The following PDE10A variants were observed in gnomAD, a reference collection of about 807,000 sequenced individuals.
PDE10A encodes cAMP and cAMP-inhibited cGMP 3',5'-cyclic phosphodiesterase 10A.
Under a neutral mutation model 97.7 loss-of-function variants are expected in PDE10A, and 39 were observed. The ratio of observed to expected loss-of-function variants is 0.40; its 90% CI spans 0.31 to 0.52. The LOEUF (loss-of-function observed/expected upper bound fraction) is 0.52, where lower values mean the gene tolerates loss of function less well. Among genes scored for constraint, PDE10A ranks in the 20% least tolerant of loss-of-function variants. PDE10A has a pLI of 0.56. For synonymous variants in PDE10A, 371 were observed against 376.8 expected (o/e 0.98, Z 0.18); for missense variants, 731 against 1,047.8 (o/e 0.70, Z 4.17).
intron 20 of PDE10A, among the ~76,000 whole-genome samples, chr6:165,338,224 C>G (rs1781763136): frequency 6.6e-6 from 1 of 152,198 alleles, no homozygotes; most frequent in Non-Finnish European, 1.5e-5. Flanking sequence ...TGTGCTGGTA[C>G]CCTCTGTGAG....
At chr6:165,402,929 A>G (rs1281584754) in intron 13 of PDE10A, among the ~76,000 whole-genome samples, 1 of 152,200 alleles carries the variant, frequency 6.6e-6, no homozygotes, top group Non-Finnish European at 1.5e-5. Flanking sequence ...TAATGTTCAT[A>G]GTAAACCTAG....
chr6:165,511,042 ATATT>A lies in PDE10A; in HGVS notation c.995-28703_995-28700del, dbSNP rs1389886079. 2.6e-5 allele frequency among the ~76,000 whole-genome samples: 4 copies of A among 151,642 alleles called. No individual in the cohort carries two copies. In the East Asian group the frequency reaches 7.7e-4, roughly 29 times the overall value. ...TAGTATTTCACTTAGGTCTGTGGTA[ATATT>A]TATTTCTTTTGTTCTACTACTTCTA... On this transcript the variant is annotated intron_variant, in intron 2 of 21. Coordinates refer to ENST00000539869, the MANE Select transcript of PDE10A (RefSeq NM_001385079.1).
intron 1 of PDE10A, among the ~76,000 whole-genome samples, chr6:165,973,586 T>C (rs1235289920): frequency 6.6e-6 from 1 of 150,994 alleles, no homozygotes; most frequent in Non-Finnish European, 1.5e-5. Flanking sequence ...AAAAAAAAAA[T>C]TCTGAAGAAA....
intron 1 of PDE10A, among the ~76,000 whole-genome samples, chr6:165,817,339 C>T (rs1779446636): frequency 6.6e-6 from 1 of 152,146 alleles, no homozygotes; most frequent in South Asian, 2.1e-4. Flanking sequence ...TCCCTAGCTT[C>T]TACAGCAGCC....
intron 1 of PDE10A, among the ~76,000 whole-genome samples, chr6:165,979,072 A>G (rs955679310): frequency 6.6e-6 from 1 of 152,204 alleles, no homozygotes; most frequent in African/African-American, 2.4e-5. Context: ...ACACGCACCA[A>G]GAGGACATAA....
At chr6:165,654,173 C>T (rs1789822287) in intron 1 of PDE10A, among the ~76,000 whole-genome samples, 1 of 152,184 alleles carries the variant, frequency 6.6e-6, no homozygotes, top group Admixed American at 6.5e-5. Context: ...CTCCGATCCC[C>T]CCTGTACACC....
intron 1 of PDE10A, among the ~76,000 whole-genome samples, chr6:165,811,738 C>T (rs1779288755): frequency 1.3e-5 from 2 of 152,234 alleles, no homozygotes; most frequent in Non-Finnish European, 2.9e-5. Flanking sequence ...TAAGTTTGTT[C>T]TGAGTTGAAA....
chr6:165,486,456 C>T (rs551798075), intron 2 of PDE10A, among the ~76,000 whole-genome samples: 5 of 152,248 alleles, frequency 3.3e-5, no homozygotes, highest in East Asian at 3.9e-4. Context: ...CTCCTTAGGT[C>T]GCTTCTGAAT....
At chr6:165,974,245 G>A (rs1784783207) in intron 1 of PDE10A, among the ~76,000 whole-genome samples, 1 of 152,160 alleles carries the variant, frequency 6.6e-6, no homozygotes, top group South Asian at 2.1e-4. Flanking sequence ...ATGGTCATGG[G>A]CCTTCTACAC....
intron 1 of PDE10A, among the ~76,000 whole-genome samples, chr6:165,641,087 C>G (rs990396375): frequency 6.6e-6 from 1 of 152,138 alleles, no homozygotes; most frequent in African/African-American, 2.4e-5. Context: ...CTTCACCTGA[C>G]CACAGAAGAG....
chr6:165,866,507 A>G (rs933485211), intron 1 of PDE10A, among the ~76,000 whole-genome samples: 1 of 151,874 alleles, frequency 6.6e-6, no homozygotes, highest in Non-Finnish European at 1.5e-5. Context: ...TTAACTTATG[A>G]ACCAATTTTC....
intron 1 of PDE10A, among the ~76,000 whole-genome samples, chr6:165,617,409 A>T (rs952423623): frequency 6.6e-6 from 1 of 152,136 alleles, no homozygotes; most frequent in Non-Finnish European, 1.5e-5. Context: ...CAGTGGCGGG[A>T]TCTCGGCTCA....
intron 1 of PDE10A, among the ~76,000 whole-genome samples, chr6:165,728,838 C>G (rs1792358008): frequency 6.6e-6 from 1 of 152,172 alleles, no homozygotes; most frequent in Admixed American, 6.5e-5. Flanking sequence ...GAGATGACCT[C>G]TGACTTCTCA....
intron 1 of PDE10A, among the ~76,000 whole-genome samples, chr6:165,754,864 C>T (rs998486440): frequency 1.3e-5 from 2 of 152,198 alleles, no homozygotes; most frequent in African/African-American, 4.8e-5. Flanking sequence ...AGATGTTTCA[C>T]TTCCATCTGA....
At chr6:165,716,977 TATTA>T (rs1325823169) in intron 1 of PDE10A, among the ~76,000 whole-genome samples, 2 of 152,226 alleles carry the variant, frequency 1.3e-5, no homozygotes, top group African/African-American at 2.4e-5. Flanking sequence ...ACTGTGTCCC[TATTA>T]AACACTAATT....
rs144527911 is a variant in PDE10A, at chr6:165,397,311, G to A, written c.2077-852C>T. Among the ~76,000 whole-genome samples the A allele has an allele frequency of 2.0e-3, 309 of 152,274 alleles. 2 individuals carry two copies. Among genetic ancestry groups the A allele is most frequent in the African/African-American group, 7.0e-3 (292 of 41,562 alleles). Reference sequence around the variant, plus strand: ...TCTAAAGTAAATTAATACTGAAAACGTGGTGACAAGCTAGAGTAGCTTTTG... The same window carrying A: ...TCTAAAGTAAATTAATACTGAAAACATGGTGACAAGCTAGAGTAGCTTTTG... On this transcript the variant is annotated intron_variant, in intron 13 of 21. Transcript: ENST00000539869.
intron 1 of PDE10A, among the ~76,000 whole-genome samples, chr6:165,900,810 A>G (rs778962633): frequency 1.9e-4 from 29 of 152,330 alleles, no homozygotes; most frequent in Middle Eastern, 3.4e-3. Context: ...TATCTATCCA[A>G]CATACTCTCA....
chr6:165,676,760 C>T (rs1240756693), intron 1 of PDE10A, among the ~76,000 whole-genome samples: 5 of 152,130 alleles, frequency 3.3e-5, no homozygotes, highest in Admixed American at 1.3e-4. Flanking sequence ...TAAAGCTCAC[C>T]CACATTTCAC....
intron 1 of PDE10A, among the ~76,000 whole-genome samples, chr6:165,922,269 G>A (rs1180351237): frequency 1.3e-5 from 2 of 152,144 alleles, no homozygotes; most frequent in Admixed American, 6.5e-5. Context: ...AGTACCCCAA[G>A]ACAGCAGGAC....
Sources: gnomAD v4.1 joint callset for allele counts (sites outside exome capture counted in the v4.1 genomes callset) on GRCh38, gnomAD v4.1.1 for gene constraint, MANE v1.5 for transcripts, NCBI Gene and HGNC (gene_info 2026-07-23, HGNC 2026-07-21) for gene names.